RNF17: variants seen among roughly 807,000 people sequenced by gnomAD.
RNF17 encodes ring finger protein 17.
In RNF17, 31 loss-of-function variants were observed where a neutral mutation model predicts 200.5. The ratio of observed to expected loss-of-function variants is 0.15; its 90% CI spans 0.12 to 0.21. The LOEUF is 0.21. Among genes scored for constraint, RNF17 ranks in the 10% least tolerant of loss-of-function variants. RNF17 has a pLI of 1.00. For missense variants in RNF17, 1,628 were observed against 1,905.1 expected (o/e 0.85, Z 2.71); for synonymous variants, 606 against 637.8 (o/e 0.95, Z 0.75).
At chr13:24,832,842 C>T (rs1358957856) in intron 18 of RNF17, among the ~76,000 whole-genome samples, 10 of 152,162 alleles carry the variant, frequency 6.6e-5, no homozygotes, top group Admixed American at 6.5e-4. Context: ...CTCCAGGGCT[C>T]AAGTGATCTT....
intron 27 of RNF17, among the ~76,000 whole-genome samples, chr13:24,862,124 C>T (rs1263027304): frequency 1.3e-5 from 2 of 152,168 alleles, no homozygotes; most frequent in African/African-American, 2.4e-5. Context: ...CCAGGTTCCT[C>T]TCTCGACACA....
intron 15 of RNF17, among the ~76,000 whole-genome samples, chr13:24,816,763 A>G (rs982459760): frequency 2.6e-5 from 4 of 152,228 alleles, no homozygotes; most frequent in African/African-American, 4.8e-5. Context: ...AACTGGACAC[A>G]GGTCGGACAA....
rs1884992845 is a variant in RNF17, at chr13:24,799,541, T to C, written c.1546T>C (p.Phe516Leu). The C allele has an allele frequency of 1.2e-6, 2 of 1,610,604 alleles. No individual in the cohort carries two copies. Reference sequence around the variant, plus strand: ...CCATGAAGTTGCACTAATACAAATATTCATGGTAGATTTTGGAAATTCTGA... The same window carrying C: ...CCATGAAGTTGCACTAATACAAATACTCATGGTAGATTTTGGAAATTCTGA... ...FVHEVALIQI[F>L]MVDFGNSEVL... The change falls in exon 12 of 36, where the codon TTC (phenylalanine) becomes CTC (leucine). Residue 516 changes from phenylalanine to leucine, a missense_variant. Transcript: ENST00000255324.
downstream of RNF17, among the ~76,000 whole-genome samples, chr13:24,881,387 A>G (rs1472792465): frequency 6.6e-6 from 1 of 151,792 alleles, no homozygotes; most frequent in Non-Finnish European, 1.5e-5. Context: ...GTGATCTGCC[A>G]ACTTTGGCCT....
At chr13:24,821,747 T>C (rs1388576374) in intron 15 of RNF17, among the ~76,000 whole-genome samples, 1 of 152,232 alleles carries the variant, frequency 6.6e-6, no homozygotes, top group Non-Finnish European at 1.5e-5. Flanking sequence ...TTCCGAATTT[T>C]CTTTAGTTCT....
chr13:24,762,146 G>C (rs1878800967), upstream of RNF17, among the ~76,000 whole-genome samples: 1 of 152,128 alleles, frequency 6.6e-6, no homozygotes, highest in Non-Finnish European at 1.5e-5. Context: ...AAGGCGGGCA[G>C]ACTGCCTGAG....
chr13:24,842,326 A>G lies in RNF17; in HGVS notation c.2603+165A>G, dbSNP rs533447634. On this transcript the variant is annotated intron_variant, in intron 19 of 35. Coordinates refer to ENST00000255324, the MANE Select transcript of RNF17 (RefSeq NM_031277.3). ...GAAAAAATAGAAAATAACTGGAGTC[A>G]TTAATGAGGACTAGAGTGACTTTTC... 3.3e-5 allele frequency among the ~76,000 whole-genome samples: 5 copies of G among 152,318 alleles called. No homozygotes were observed. In the South Asian group the frequency reaches 1.0e-3, roughly 32 times the overall value.
intron 15 of RNF17, among the ~76,000 whole-genome samples, chr13:24,819,559 AT>A (rs1009443916): frequency 2.6e-5 from 4 of 152,164 alleles, no homozygotes; most frequent in African/African-American, 9.6e-5. Context: ...TACCATGGAG[AT>A]TACATATAAC....
intron 15 of RNF17, among the ~76,000 whole-genome samples, chr13:24,810,780 C>T (rs1420478238): frequency 3.4e-5 from 5 of 147,822 alleles, no homozygotes; most frequent in East Asian, 2.0e-4. Flanking sequence ...CAGCTGGTAC[C>T]GGTTGTTCCT....
intron 28 of RNF17, among the ~76,000 whole-genome samples, chr13:24,864,220 A>G (rs1372090001): frequency 2.6e-5 from 4 of 152,152 alleles, no homozygotes; most frequent in African/African-American, 7.2e-5. Flanking sequence ...GAGCAGGGCT[A>G]GGAGGGAGGG....
In RNF17 at chr13:24,792,964, G is replaced by A. The variant is rs939616719; in HGVS notation, c.936-78G>A. The A allele has an allele frequency of 5.3e-6, 5 of 938,784 alleles. No individual in the cohort carries two copies. The African/African-American group carries it at 8.3e-5, about 15-fold the overall frequency. 58.2% of individuals were successfully genotyped at this position (938,784 alleles called of 1,614,324 possible). ...AAAGATTCAGATTAATGTCCATGGT[G>A]GGAGTTTCTAGTGACTTATTCATGG... On this transcript the variant is annotated intron_variant, in intron 9 of 35. Coordinates refer to ENST00000255324, the MANE Select transcript of RNF17 (RefSeq NM_031277.3).
intron 16 of RNF17, among the ~76,000 whole-genome samples, chr13:24,827,028 C>T (rs1430044773): frequency 6.6e-6 from 1 of 151,998 alleles, no homozygotes; most frequent in Admixed American, 6.5e-5. Context: ...CCATTGTACT[C>T]CAGCCTGGGC....
chr13:24,859,190 A>C, intron 26 of RNF17, 26 bp downstream of exon 26: 1 of 1,540,564 alleles, frequency 6.5e-7, no homozygotes, highest in Non-Finnish European at 8.8e-7. Context: ...TTTTGTGACA[A>C]TTCTAAAGCT....
At chr13:24,791,269 G>A (rs1184645882) in intron 9 of RNF17, among the ~76,000 whole-genome samples, 3 of 152,100 alleles carry the variant, frequency 2.0e-5, no homozygotes, top group Non-Finnish European at 4.4e-5. Context: ...GCACTGGATA[G>A]GGACTGAGAA....
chr13:24,882,984 T>C, downstream of RNF17: 1 of 600,798 alleles, frequency 1.7e-6, no homozygotes, highest in Non-Finnish European at 3.0e-6. Context: ...AAAGACAGGG[T>C]AGTGAATTAT....
chr13:24,838,543 T>TA (rs1890260114), intron 18 of RNF17, among the ~76,000 whole-genome samples: 1 of 152,002 alleles, frequency 6.6e-6, no homozygotes, highest in South Asian at 2.1e-4. Context: ...AGTCAATAAA[T>TA]GTGATACACC....
chr13:24,812,674 G>GCCA lies in RNF17; in HGVS notation c.2091+8247_2091+8248insACC, dbSNP rs1886840596. On this transcript the variant is annotated intron_variant, in intron 15 of 35. Coordinates refer to ENST00000255324, the MANE Select transcript of RNF17 (RefSeq NM_031277.3). ...AGCCATCTTGGCTCCTCCCCTCCCC[G>GCCA]CCCCACCCCCTTTTTTTTTTTTTTT... Among the ~76,000 whole-genome samples, 16 of 24,094 alleles carry GCCA rather than the reference G, an allele frequency of 6.6e-4. 3 individuals carry two copies. The South Asian group carries it at 0.037, about 56-fold the overall frequency. The allele number at this position is 24,094 out of a possible 152,430, so 15.8% of individuals were successfully genotyped here. A position where few individuals can be genotyped will look rare whatever the true frequency, so the allele number is the denominator to read the frequency against.
At chr13:24,853,521 G>C (rs543233283) in intron 24 of RNF17, among the ~76,000 whole-genome samples, 1 of 152,118 alleles carries the variant, frequency 6.6e-6, no homozygotes, top group African/African-American at 2.4e-5. Context: ...TCTGTTCTAT[G>C]TGTGGACTAA....
rs760641845 is a variant in RNF17 at position 24,844,791 on chromosome 13, A to G, written c.2971A>G (p.Thr991Ala). 6 of 1,610,944 alleles carry G rather than the reference A, an allele frequency of 3.7e-6. No individual in the cohort carries two copies. The South Asian group carries it at 5.6e-5, about 15-fold the overall frequency. The change falls in exon 21 of 36, where the codon ACA becomes GCA. Residue 991 changes from threonine to alanine, a missense_variant. Around this residue, in one of 5 missense-constraint regions of RNF17, gnomAD observed 227 missense variants for 319.8 expected, o/e 0.71. Coordinates refer to ENST00000255324, the MANE Select transcript of RNF17 (RefSeq NM_031277.3). ...CCAGATCATCAGAATGGTTACAGAC[A>G]CATTGGTAGAGGTAAATTACAGAGT... The part of the protein sequence containing the change: ...RGQIIRMVTD[T>A]LVEVLLYDVG...
Sources: allele counts gnomAD v4.1 joint callset (sites outside exome capture counted in the v4.1 genomes callset), GRCh38; gene constraint gnomAD v4.1.1; regional missense constraint gnomAD v4.1.1; transcripts MANE v1.5; gene names NCBI Gene and HGNC (gene_info 2026-07-23, HGNC 2026-07-21).